Variants in ECE1 observed in about 807,000 individuals in gnomAD.
ECE1 encodes endothelin-converting enzyme 1.
ECE1 carries 35 observed loss-of-function variants against 98.6 expected under a neutral mutation model. The ratio of observed to expected loss-of-function variants is 0.35; its 90% CI spans 0.27 to 0.47. The LOEUF is 0.47. Among genes scored for constraint, ECE1 ranks in the 20% least tolerant of loss-of-function variants. The pLI is 1.00. For synonymous variants in ECE1, 394 were observed against 407.1 expected (o/e 0.97, Z 0.39); for missense variants, 814 against 1,025.3 (o/e 0.79, Z 2.81).
At position 21,221,762 on chromosome 1, in the gene ECE1, G is replaced by A. The variant is rs74746267; in HGVS notation, c.2121C>T (p.Phe707=). 19 of 1,614,236 alleles carry A rather than the reference G, an allele frequency of 1.2e-5. No homozygotes were observed. In the East Asian group the frequency reaches 4.0e-4, roughly 34 times the overall value. The change falls in exon 18 of 19, where the codon TTC becomes TTT. Residue 707 remains phenylalanine (F), a synonymous_variant. Transcript: ENST00000374893. ...ATGGACTCACCTGTGCAAAGCCCAG[G>A]AAGAAGAGCTGGTTATTGGTGAGGC... ...TLGLTNNQLF[F]LGFAQVWCSV...
chr1:21,259,788 G>A (rs1418905132), intron 5 of ECE1, among the ~76,000 whole-genome samples: 1 of 152,158 alleles, frequency 6.6e-6, no homozygotes, highest in East Asian at 1.9e-4. Flanking sequence ...GTCTTCCCCT[G>A]CTCAGGAGTA....
intron 8 of ECE1, among the ~76,000 whole-genome samples, chr1:21,251,234 G>A (rs377366900): frequency 2.6e-5 from 4 of 152,120 alleles, no homozygotes; most frequent in East Asian, 3.9e-4. Flanking sequence ...CAACTGCGCC[G>A]GGCACGGTGG....
intron 8 of ECE1, among the ~76,000 whole-genome samples, chr1:21,250,823 G>A (rs542835494): frequency 2.6e-5 from 4 of 152,018 alleles, no homozygotes; most frequent in Non-Finnish European, 5.9e-5. Flanking sequence ...CTGACTAAGA[G>A]GGTGAAACCC....
rs1030231121 is a variant in ECE1 at position 21,260,867 on chromosome 1, C to G, written c.494-475G>C. ...TTCATTATGAATTTACTTTTTGCTT[C>G]CTCCTTGGAGGGGCTAGGCACGTTC... is the stretch of plus-strand genomic sequence containing the variant. On this transcript the variant is annotated intron_variant, in intron 4 of 18. Transcript: ENST00000374893. The surrounding 1 kb of genome is among the most constrained non-coding windows in gnomAD (Gnocchi z 4.3). Among the ~76,000 whole-genome samples, 16 of 152,182 alleles carry G rather than the reference C, an allele frequency of 1.1e-4. No individual in the cohort carries two copies. Among genetic ancestry groups the G allele is most frequent in the African/African-American group, 3.9e-4 (16 of 41,446 alleles).
In ECE1 at chr1:21,235,861, C is replaced by T. The variant is rs187474823; in HGVS notation, c.1555G>A (p.Val519Met). The T allele has an allele frequency of 1.1e-4, 171 of 1,614,208 alleles. No individual in the cohort carries two copies. Among genetic ancestry groups the T allele is most frequent in the Non-Finnish European group, 1.3e-4 (153 of 1,180,028 alleles). Residue 519 changes from valine to methionine, a missense_variant, in exon 13 of 19, where the codon GTG (valine) becomes ATG (methionine). Val to Met is a conservative substitution (Grantham distance 21). Coordinates refer to ENST00000374893, the MANE Select transcript of ECE1 (RefSeq NM_001397.3). This position sits in a 1 kb window ranked among gnomAD's most constrained non-coding sequence, Gnocchi z 4.2. Reference protein sequence around the residue: ...FIMDPKELDKVFNDYTAVPDL... With the variant: ...FIMDPKELDKMFNDYTAVPDL... ...CAGCAGCTACTCACGTCATTAAACA[C>T]TTTGTCCAGCTCCTTGGGATCCATG...
Position 21,260,664 on chromosome 1 carries a change from C to T in ECE1, c.494-272G>A, listed in dbSNP as rs761403109. ...TCCCTCTGCCAGTTGGGTTCACAGA[C>T]GTGTCCCCGGGTTGACCGCACGTGC... On this transcript the variant is annotated intron_variant, in intron 4 of 18. Transcript: ENST00000374893. This position sits in a 1 kb window ranked among gnomAD's most constrained non-coding sequence, Gnocchi z 4.3. Among the ~76,000 whole-genome samples, 1 of 152,180 alleles carries T rather than the reference C, an allele frequency of 6.6e-6. No individual in the cohort carries two copies. Among genetic ancestry groups the T allele is most frequent in the African/African-American group, 2.4e-5 (1 of 41,448 alleles).
intron 4 of ECE1, among the ~76,000 whole-genome samples, chr1:21,262,676 G>A (rs776246725): frequency 1.3e-5 from 2 of 152,320 alleles, no homozygotes; most frequent in African/African-American, 2.4e-5. Flanking sequence ...TAATCACAGC[G>A]AGTTCCGAGG....
At chr1:21,312,867 T>A (rs1473309048) in intron 1 of ECE1, among the ~76,000 whole-genome samples, 3 of 152,002 alleles carry the variant, frequency 2.0e-5, no homozygotes, top group Non-Finnish European at 4.4e-5. Flanking sequence ...CTCTCATAGG[T>A]AGCTATGAGA....
intron 9 of ECE1, among the ~76,000 whole-genome samples, chr1:21,246,413 C>T (rs1047552633): frequency 3.5e-5 from 5 of 144,262 alleles, no homozygotes; most frequent in African/African-American, 1.3e-4. Context: ...GCAGGAGAAT[C>T]ATTTAAACCT....
rs986548357 is a variant in ECE1 at position 21,230,036 on chromosome 1, A to G, written c.1671-1995T>C. On this transcript the variant is annotated intron_variant, in intron 14 of 18. Transcript: ENST00000374893. ...CGGTGACATGGTGAAACCTGTCTCT[A>G]CAAAAAATACAAACATTAGCCAGGT... Among the ~76,000 whole-genome samples the G allele has an allele frequency of 2.0e-5, 3 of 152,168 alleles. No homozygotes were observed. The East Asian group carries it at 5.8e-4, about 29-fold the overall frequency.
intron 18 of ECE1, among the ~76,000 whole-genome samples, chr1:21,221,430 C>T (rs2098167360): frequency 6.6e-6 from 1 of 152,104 alleles, no homozygotes. Context: ...CCTCGGCCGC[C>T]CAAAGTGCTG....
chr1:21,286,554 C>T (rs1457451441), intron 2 of ECE1, among the ~76,000 whole-genome samples: 4 of 152,136 alleles, frequency 2.6e-5, no homozygotes, highest in South Asian at 2.1e-4. Context: ...CAAGTTAGAG[C>T]CAGCTTCCTT....
rs955046878 is a variant in ECE1 at position 21,313,728 on chromosome 1, G to C, written c.4-23572C>G. ...TGGGTGAGTTGCCTTACCTCTCTGAGCATGTGTTCTCATCTATAAAATGGG... is the reference window on the plus strand; with the variant it reads ...TGGGTGAGTTGCCTTACCTCTCTGACCATGTGTTCTCATCTATAAAATGGG... On this transcript the variant is annotated intron_variant, in intron 1 of 18. Transcript: ENST00000415912. Among the ~76,000 whole-genome samples, 9 of 152,202 alleles carry C rather than the reference G, an allele frequency of 5.9e-5. 1 individual carries two copies. Among genetic ancestry groups the C allele is most frequent in the Admixed American group, 2.0e-4 (3 of 15,284 alleles).
intron 10 of ECE1, among the ~76,000 whole-genome samples, chr1:21,240,959 C>CCCT (rs1456735202): frequency 1.3e-5 from 2 of 152,222 alleles, no homozygotes; most frequent in Non-Finnish European, 2.9e-5. Flanking sequence ...CCTGACTGTG[C>CCCT]TAGGTCTTTC....
chr1:21,298,334 G>A (rs112005943), intron 1 of ECE1: 16 of 190,894 alleles, frequency 8.4e-5, no homozygotes, highest in African/African-American at 3.7e-4. Context: ...GGGCTTCGCA[G>A]TGACCCTTCC....
intron 3 of ECE1, among the ~76,000 whole-genome samples, chr1:21,273,287 T>G (rs943232040): frequency 6.6e-6 from 1 of 152,044 alleles, no homozygotes. Flanking sequence ...CTGCTGAGTA[T>G]GGAGTGCGTG....
At chr1:21,266,142 T>C (rs1189471594) in intron 4 of ECE1, 1 of 152,280 alleles carries the variant, frequency 6.6e-6, no homozygotes, top group Non-Finnish European at 1.5e-5. Context: ...TGGGGTATGA[T>C]AGGGGTGTCT....
rs1639386249 is a variant in ECE1 at position 21,340,940 on chromosome 1, T to G, written c.3+4436A>C. 1.3e-5 allele frequency among the ~76,000 whole-genome samples: 1 copy of G among 74,424 alleles called. No individual in the cohort carries two copies. Among genetic ancestry groups the G allele is most frequent in the Non-Finnish European group, 2.5e-5 (1 of 40,516 alleles). 48.8% of individuals were successfully genotyped at this position (74,424 alleles called of 152,430 possible). ...CATATGACCATCCCTGAGTGCACCC[T>G]CCGGGCCACCTCCTAAGCACAGTCC... On this transcript the variant is annotated intron_variant, in intron 1 of 18. Transcript: ENST00000415912. The surrounding 1 kb of genome is among the most constrained non-coding windows in gnomAD (Gnocchi z 4.6).
rs1266822504 is a variant in ECE1, at chr1:21,290,425, A to G, written c.-11T>C. ...CCACACGCCCCGCATGCTGTGCCCCAGACGCCTGGTCCCGCTGCCCGGGTG... is the reference window on the plus strand; with the variant it reads ...CCACACGCCCCGCATGCTGTGCCCCGGACGCCTGGTCCCGCTGCCCGGGTG... On this transcript the variant is annotated 5_prime_UTR_variant, in exon 1 of 19. Transcript: ENST00000374893. The surrounding 1 kb of genome is among the most constrained non-coding windows in gnomAD (Gnocchi z 7.3). 4 of 1,221,682 alleles carry G rather than the reference A, an allele frequency of 3.3e-6. No individual in the cohort carries two copies. Among genetic ancestry groups the G allele is most frequent in the East Asian group, 3.3e-5 (1 of 30,550 alleles). The allele number at this position is 1,221,682 out of a possible 1,614,324, so 75.7% of individuals were successfully genotyped here. A position where few individuals can be genotyped will look rare whatever the true frequency, so the allele number is the denominator to read the frequency against.
Sources: gnomAD v4.1 joint callset for allele counts (sites outside exome capture counted in the v4.1 genomes callset) on GRCh38, gnomAD v4.1.1 for gene constraint, Gnocchi (gnomAD v3.1) non-coding constraint, MANE v1.5 for transcripts, NCBI Gene and HGNC (gene_info 2026-07-23, HGNC 2026-07-21) for gene names.